PCDH15: variants seen among roughly 807,000 people sequenced by gnomAD.
The protein encoded by PCDH15 is protocadherin-15.
Under a neutral mutation model 178.5 loss-of-function variants are expected in PCDH15, and 129 were observed. The ratio of observed to expected loss-of-function variants is 0.72; its 90% CI spans 0.63 to 0.84. The LOEUF (loss-of-function observed/expected upper bound fraction) is 0.84, where lower values mean the gene tolerates loss of function less well. PCDH15 is among the 40% of genes least tolerant of loss of function. The pLI, the probability that PCDH15 is intolerant of heterozygous loss-of-function variation, is 0.00. For missense variants in PCDH15, 2,230 were observed against 2,099.9 expected (o/e 1.06, Z -1.21); for synonymous variants, 800 against 732.0 (o/e 1.09, Z -1.50).
chr10:54,624,162 CA>C (rs759876067), intron 2 of PCDH15, among the ~76,000 whole-genome samples: 1 of 152,012 alleles, frequency 6.6e-6, no homozygotes, highest in Non-Finnish European at 1.5e-5. Context: ...AGTACTTATA[CA>C]CGTGTTTGGC....
intron 2 of PCDH15, among the ~76,000 whole-genome samples, chr10:54,940,734 C>G (rs962471): frequency 0.41 from 62,723 of 151,536 alleles, 14,305 homozygotes; most frequent in Middle Eastern, 0.53. Flanking sequence ...GTTTGTAACT[C>G]TTATATCTTT....
At chr10:54,793,236 G>T (rs1951605941) in intron 1 of PCDH15, among the ~76,000 whole-genome samples, 1 of 151,848 alleles carries the variant, frequency 6.6e-6, no homozygotes, top group Non-Finnish European at 1.5e-5. Flanking sequence ...ATATTGAGTA[G>T]CTGAGCCTCC....
At chr10:54,796,671 T>A (rs925941470) in intron 1 of PCDH15, among the ~76,000 whole-genome samples, 1 of 151,884 alleles carries the variant, frequency 6.6e-6, no homozygotes, top group Non-Finnish European at 1.5e-5. Flanking sequence ...GTCTCTAACT[T>A]TTATTATGTT....
chr10:53,987,481 G>T (rs2091187812), intron 21 of PCDH15, among the ~76,000 whole-genome samples: 1 of 152,110 alleles, frequency 6.6e-6, no homozygotes, highest in Non-Finnish European at 1.5e-5. Flanking sequence ...AATATAAATG[G>T]CTGTTTAAAA....
intron 3 of PCDH15, among the ~76,000 whole-genome samples, chr10:54,852,515 C>T (rs181581255): frequency 2.5e-4 from 38 of 152,164 alleles, no homozygotes; most frequent in African/African-American, 9.2e-4. Flanking sequence ...AAAGAGAACT[C>T]CTACAAAAAA....
At chr10:54,930,710 TG>T (rs1837751328) in intron 2 of PCDH15, among the ~76,000 whole-genome samples, 1 of 152,196 alleles carries the variant, frequency 6.6e-6, no homozygotes, top group Non-Finnish European at 1.5e-5. Flanking sequence ...CATATTAACA[TG>T]ATACTAACTT....
chr10:53,916,563 T>C (rs1317448871), intron 25 of PCDH15, among the ~76,000 whole-genome samples: 1 of 152,206 alleles, frequency 6.6e-6, no homozygotes, highest in South Asian at 2.1e-4. Flanking sequence ...AAATCATTTT[T>C]ATTTATTAAA....
intron 1 of PCDH15, among the ~76,000 whole-genome samples, chr10:55,317,243 C>T (rs779986102): frequency 1.6e-3 from 250 of 152,226 alleles, no homozygotes; most frequent in Non-Finnish European, 1.9e-3. Flanking sequence ...AAGAACTTAA[C>T]TTTACCAGCC....
At chr10:55,602,501 G>A (rs1403562340) in intron 2 of PCDH15, among the ~76,000 whole-genome samples, 1 of 152,088 alleles carries the variant, frequency 6.6e-6, no homozygotes, top group Non-Finnish European at 1.5e-5. Context: ...TGACAGCTTT[G>A]AAGAGAGCAG....
intron 1 of PCDH15, among the ~76,000 whole-genome samples, chr10:54,691,566 AG>A (rs1028496668): frequency 1.9e-4 from 29 of 151,492 alleles, no homozygotes; most frequent in African/African-American, 6.8e-4. Context: ...TACAGCAGCC[AG>A]AGCACTGAAA....
intron 2 of PCDH15, among the ~76,000 whole-genome samples, chr10:54,604,872 CCTTTCTCCTTT>C (rs897768412): frequency 2.0e-5 from 3 of 149,602 alleles, no homozygotes; most frequent in African/African-American, 4.9e-5. Flanking sequence ...GGCTTTAATT[CCTTTCTCCTTT>C]TCTTTTATAA....
intron 3 of PCDH15, among the ~76,000 whole-genome samples, chr10:54,815,292 C>T (rs866690109): frequency 5.3e-5 from 8 of 152,084 alleles, no homozygotes; most frequent in South Asian, 2.1e-4. Flanking sequence ...ATGAAATGTA[C>T]ATATATCTAT....
chr10:55,528,615 C>A (rs1841367285), intron 2 of PCDH15, among the ~76,000 whole-genome samples: 1 of 152,078 alleles, frequency 6.6e-6, no homozygotes, highest in Non-Finnish European at 1.5e-5. Context: ...TTTTCTTAAT[C>A]CAGTCTTTCA....
At chr10:53,876,763 A>G (rs926760192) in intron 26 of PCDH15, among the ~76,000 whole-genome samples, 3 of 152,158 alleles carry the variant, frequency 2.0e-5, no homozygotes, top group African/African-American at 7.2e-5. Context: ...CAACATACCT[A>G]TTTACTTTTT....
intron 16 of PCDH15, among the ~76,000 whole-genome samples, chr10:54,086,285 T>A (rs1397674338): frequency 1.3e-5 from 2 of 152,072 alleles, no homozygotes. Context: ...GGCTCCTTTT[T>A]TACAACCATT....
At chr10:54,321,098 AG>A (rs2061575219) in intron 7 of PCDH15, among the ~76,000 whole-genome samples, 3 of 149,336 alleles carry the variant, frequency 2.0e-5, no homozygotes, top group Non-Finnish European at 4.5e-5. Context: ...ATAACAAATA[AG>A]TTAATAAAAT....
At chr10:55,147,684 T>C (rs1591941850) in intron 2 of PCDH15, among the ~76,000 whole-genome samples, 1 of 150,660 alleles carries the variant, frequency 6.6e-6, no homozygotes, top group East Asian at 1.9e-4. Flanking sequence ...TATTATACTT[T>C]AAGTTTTAGG....
chr10:53,823,857 T>C (rs565252317), intron 32 of PCDH15: 28 of 446,300 alleles, frequency 6.3e-5, no homozygotes, highest in African/African-American at 4.4e-4. Context: ...TATCCTGTTC[T>C]CCAAATTAAG....
chr10:54,526,520 T>C (rs950597742), intron 3 of PCDH15, among the ~76,000 whole-genome samples: 2 of 152,180 alleles, frequency 1.3e-5, no homozygotes, highest in African/African-American at 4.8e-5. Flanking sequence ...TTTTTTCATA[T>C]ATCTTTTACT....
Sources: allele counts gnomAD v4.1 joint callset (sites outside exome capture counted in the v4.1 genomes callset), GRCh38; gene constraint gnomAD v4.1.1; transcripts MANE v1.5; gene names NCBI Gene and HGNC (gene_info 2026-07-23, HGNC 2026-07-21).